The following MMP16 variants were observed in gnomAD, a reference collection of about 807,000 sequenced individuals.
The protein encoded by MMP16 is matrix metallopeptidase 16.
A neutral mutation model predicts 67.8 loss-of-function variants in MMP16; 12 were observed. The observed-to-expected ratio is 0.18, with a 90% CI of 0.11 to 0.29. MMP16 has a LOEUF of 0.29. Ranked by LOEUF, MMP16 falls within the 10% of genes least tolerant of loss-of-function variation. The probability of loss-of-function intolerance (pLI) is 1.00; values close to 1 mark genes in which losing one functional copy is unlikely to be tolerated. For synonymous variants in MMP16, 249 were observed against 255.9 expected, an observed-to-expected ratio of 0.97 and a Z score of 0.26; for missense variants, 475 against 765.7, an observed-to-expected ratio of 0.62 and a Z score of 4.48.
intron 4 of MMP16, among the ~76,000 whole-genome samples, chr8:88,164,876 C>A (rs562803159): frequency 2.1e-3 from 312 of 151,836 alleles, no homozygotes; most frequent in Middle Eastern, 0.017. Context: ...CCTTAGGCCA[C>A]GTTATATTTC....
intron 4 of MMP16, among the ~76,000 whole-genome samples, chr8:88,126,456 G>A (rs1258291355): frequency 6.6e-6 from 1 of 151,836 alleles, no homozygotes; most frequent in Non-Finnish European, 1.5e-5. Context: ...CAAACTGTCA[G>A]TTATAAGATA....
At chr8:88,052,373 GACA>G (rs1808281457) in intron 8 of MMP16, among the ~76,000 whole-genome samples, 1 of 151,986 alleles carries the variant, frequency 6.6e-6, no homozygotes, top group Non-Finnish European at 1.5e-5. Context: ...AAGCCCTGAG[GACA>G]ACTTGTTATC....
intron 6 of MMP16, among the ~76,000 whole-genome samples, chr8:88,084,873 G>T (rs1478590594): frequency 2.0e-5 from 3 of 151,848 alleles, no homozygotes; most frequent in African/African-American, 7.3e-5. Flanking sequence ...TCTAACTAGT[G>T]AATGTAAGTT....
Position 88,041,254 on chromosome 8 carries a change from C to T in MMP16, c.*207G>A, listed in dbSNP as rs1039365249. ...CAAAGAAAGACAAAGGACTGAAGAA[C>T]AGCAGATACTGTGCATCATGGAAGC... On this transcript the variant is annotated 3_prime_UTR_variant, in exon 10 of 10. Coordinates refer to ENST00000286614, the MANE Select transcript of MMP16 (RefSeq NM_005941.5). This position sits in a 1 kb window ranked among gnomAD's most constrained non-coding sequence, Gnocchi z 6.0. 2 of 546,520 alleles carry T rather than the reference C, an allele frequency of 3.7e-6. No homozygotes were observed. The highest frequency in any genetic ancestry group is 6.5e-6 in the Non-Finnish European group (2 of 307,582). The allele number at this position is 546,520 out of a possible 1,614,324, so 33.9% of individuals were successfully genotyped here. A position where few individuals can be genotyped will look rare whatever the true frequency, so the allele number is the denominator to read the frequency against.
intron 7 of MMP16, among the ~76,000 whole-genome samples, chr8:88,062,377 A>C (rs1808410536): frequency 6.6e-6 from 1 of 152,144 alleles, no homozygotes; most frequent in African/African-American, 2.4e-5. Context: ...TTGTGGCACT[A>C]TTCACAATAG....
At chr8:88,136,485 C>G (rs1383275158) in intron 4 of MMP16, among the ~76,000 whole-genome samples, 1 of 151,704 alleles carries the variant, frequency 6.6e-6, no homozygotes, top group Non-Finnish European at 1.5e-5. Flanking sequence ...ATTCCCAGAT[C>G]AAGAAATTGA....
At chr8:88,190,145 T>C (rs1447362797) in intron 2 of MMP16, among the ~76,000 whole-genome samples, 2 of 152,156 alleles carry the variant, frequency 1.3e-5, no homozygotes, top group African/African-American at 2.4e-5. Flanking sequence ...ATAACATATA[T>C]AATATAATAT....
intron 1 of MMP16, among the ~76,000 whole-genome samples, chr8:88,289,284 T>G (rs1810883355): frequency 6.6e-6 from 1 of 152,160 alleles, no homozygotes; most frequent in African/African-American, 2.4e-5. Flanking sequence ...CACAGACATT[T>G]TTGTTATCAT....
intron 1 of MMP16, among the ~76,000 whole-genome samples, chr8:88,210,433 A>G (rs1809495863): frequency 6.6e-6 from 1 of 152,168 alleles, no homozygotes; most frequent in Admixed American, 6.5e-5. Flanking sequence ...TAAGTGGGGC[A>G]CCCATGTATT....
At chr8:88,120,198 G>A (rs1586161238) in intron 4 of MMP16, among the ~76,000 whole-genome samples, 1 of 151,932 alleles carries the variant, frequency 6.6e-6, no homozygotes. Flanking sequence ...AAAGAAAACA[G>A]AAGGAAGGAG....
intron 1 of MMP16, among the ~76,000 whole-genome samples, chr8:88,311,740 T>C (rs1246749322): frequency 6.6e-6 from 1 of 152,094 alleles, no homozygotes; most frequent in Admixed American, 6.6e-5. Flanking sequence ...CCATCTTTAA[T>C]GTGAGAACCA....
At chr8:88,079,636 A>G (rs748625725) in intron 6 of MMP16, among the ~76,000 whole-genome samples, 1 of 152,242 alleles carries the variant, frequency 6.6e-6, no homozygotes, top group Non-Finnish European at 1.5e-5. Flanking sequence ...CTGAAATTAC[A>G]TAACACTATG....
intron 4 of MMP16, among the ~76,000 whole-genome samples, chr8:88,132,303 T>G (rs1034419357): frequency 6.6e-6 from 1 of 151,920 alleles, no homozygotes; most frequent in Admixed American, 6.6e-5. Context: ...AGAATGATAA[T>G]ATTGTTTAAG....
chr8:88,164,062 A>G (rs1808673605), intron 4 of MMP16, among the ~76,000 whole-genome samples: 1 of 152,144 alleles, frequency 6.6e-6, no homozygotes, highest in South Asian at 2.1e-4. Context: ...ATAACAATGA[A>G]GTAAGGGTTA....
chr8:88,309,596 A>G (rs1811265105), intron 1 of MMP16, among the ~76,000 whole-genome samples: 1 of 152,072 alleles, frequency 6.6e-6, no homozygotes, highest in Non-Finnish European at 1.5e-5. Context: ...TACTCCTAAT[A>G]TGATCCTATA....
At chr8:88,231,228 T>C (rs1034643117) in intron 1 of MMP16, among the ~76,000 whole-genome samples, 3 of 152,178 alleles carry the variant, frequency 2.0e-5, no homozygotes, top group Non-Finnish European at 4.4e-5. Flanking sequence ...AGTGAAGAGA[T>C]TCTCTAACGA....
chr8:88,270,292 C>T (rs1810545152), intron 1 of MMP16, among the ~76,000 whole-genome samples: 1 of 152,136 alleles, frequency 6.6e-6, no homozygotes, highest in Non-Finnish European at 1.5e-5. Flanking sequence ...CTTGATACTA[C>T]AATCCCATTT....
At chr8:88,315,589 C>T (rs574717273) in intron 1 of MMP16, among the ~76,000 whole-genome samples, 1 of 152,190 alleles carries the variant, frequency 6.6e-6, no homozygotes, top group South Asian at 2.1e-4. Flanking sequence ...ATTTAAGATG[C>T]CAAACTTAGT....
chr8:88,303,511 C>T (rs548956731), intron 1 of MMP16, among the ~76,000 whole-genome samples: 30 of 152,320 alleles, frequency 2.0e-4, no homozygotes, highest in South Asian at 1.0e-3. Flanking sequence ...CCTGACTGGG[C>T]GTGCCCTCCC....
Sources: gnomAD v4.1 joint callset for allele counts (sites outside exome capture counted in the v4.1 genomes callset) on GRCh38, gnomAD v4.1.1 for gene constraint, Gnocchi (gnomAD v3.1) non-coding constraint, MANE v1.5 for transcripts, NCBI Gene and HGNC (gene_info 2026-07-23, HGNC 2026-07-21) for gene names.